The following SNAP91 variants were observed in gnomAD, a reference collection of about 807,000 sequenced individuals.
The protein encoded by SNAP91 is clathrin coat assembly protein AP180.
SNAP91 carries 27 observed loss-of-function variants against 100.3 expected under a neutral mutation model. The ratio of observed to expected loss-of-function variants is 0.27; its 90% confidence interval spans 0.20 to 0.37. SNAP91 has a LOEUF of 0.37. Ranked by LOEUF, SNAP91 falls within the 10% of genes least tolerant of loss-of-function variation. The pLI is 1.00. For synonymous variants in SNAP91, 404 were observed against 398.6 expected, an observed-to-expected ratio of 1.01 and a Z score of -0.16; for missense variants, 986 against 1,123.7, an observed-to-expected ratio of 0.88 and a Z score of 1.75.
rs1273259091 is a variant in SNAP91 at position 83,577,024 on chromosome 6, C to T, written c.2300-971G>A. Reference sequence around the variant, plus strand: ...GTAAATTATACAGGCTGCTAGAAGGCGATAAGGAAAGCTTATGGAAAAATG... The same window carrying T: ...GTAAATTATACAGGCTGCTAGAAGGTGATAAGGAAAGCTTATGGAAAAATG... On this transcript the variant is annotated intron_variant, in intron 24 of 29. Transcript: ENST00000369694. Among the ~76,000 whole-genome samples the T allele has an allele frequency of 2.0e-5, 3 of 151,878 alleles. No homozygotes were observed. The East Asian group carries it at 5.8e-4, about 29-fold the overall frequency.
chr6:83,703,787 C>CG (rs2099348079), intron 2 of SNAP91, among the ~76,000 whole-genome samples: 1 of 151,966 alleles, frequency 6.6e-6, no homozygotes, highest in Non-Finnish European at 1.5e-5. Context: ...GTGTTTAATA[C>CG]GGAAAAAATA....
chr6:83,678,200 C>A (rs1237421792), intron 2 of SNAP91, among the ~76,000 whole-genome samples: 1 of 152,046 alleles, frequency 6.6e-6, no homozygotes, highest in Non-Finnish European at 1.5e-5. Context: ...AGTTTACATT[C>A]AAATTATCTC....
intron 7 of SNAP91, 148 bp from the exon 8 acceptor site, chr6:83,641,350 A>G: frequency 4.2e-6 from 2 of 471,116 alleles, no homozygotes; most frequent in Admixed American, 4.3e-5. Context: ...TAAGGCACCT[A>G]AACAAAGGGA....
At chr6:83,698,678 A>G (rs986946026) in intron 2 of SNAP91, among the ~76,000 whole-genome samples, 2 of 152,220 alleles carry the variant, frequency 1.3e-5, no homozygotes, top group Admixed American at 6.5e-5. Flanking sequence ...TTGTAAGCAT[A>G]GCTTTCCCCC....
chr6:83,569,713 TG>T (rs577350374), intron 26 of SNAP91, among the ~76,000 whole-genome samples: 1 of 152,104 alleles, frequency 6.6e-6, no homozygotes, highest in Non-Finnish European at 1.5e-5. Context: ...AATTGAATCA[TG>T]GGGGCAGGTC....
At chr6:83,684,925 A>G (rs759061658) in intron 2 of SNAP91, among the ~76,000 whole-genome samples, 13 of 152,348 alleles carry the variant, frequency 8.5e-5, no homozygotes, top group Non-Finnish European at 1.9e-4. Context: ...TACAACACCA[A>G]GATCTGTGCC....
rs369975034 is a variant in SNAP91 at position 83,560,156 on chromosome 6, G to A, written c.2579C>T (p.Ala860Val). 6.2e-6 allele frequency: 10 copies of A among 1,613,838 alleles called. No homozygotes were observed. The African/African-American group carries it at 1.3e-4, about 22-fold the overall frequency. Residue 860 changes from alanine (A) to valine (V), a missense_variant, in exon 28 of 30, where the codon GCA (alanine) becomes GTA (valine). This residue lies in a region of SNAP91 where 71 missense variants were observed against 68.5 expected (regional missense o/e 1.04). Coordinates refer to ENST00000369694, the MANE Select transcript of SNAP91 (RefSeq NM_001242792.2). ...PMMPQQPVMF[A>V]QPMMRPPFGA... ...AAAGGGGGGCCTCATCATGGGCTGTGCAAACATGACCGGCTGCTGAGGCAT... is the reference window on the plus strand; with the variant it reads ...AAAGGGGGGCCTCATCATGGGCTGTACAAACATGACCGGCTGCTGAGGCAT...
chr6:83,631,084 A>G (rs2097188700), intron 8 of SNAP91, among the ~76,000 whole-genome samples: 1 of 151,868 alleles, frequency 6.6e-6, no homozygotes, highest in African/African-American at 2.4e-5. Flanking sequence ...TTTCATTTTG[A>G]TTTCGTTTTT....
intron 8 of SNAP91, among the ~76,000 whole-genome samples, chr6:83,628,671 T>C (rs980311554): frequency 7.2e-5 from 11 of 152,262 alleles, no homozygotes; most frequent in African/African-American, 2.6e-4. Context: ...TGTATCTTCT[T>C]TTGAGAACTG....
At chr6:83,566,508 G>C (rs1014921131) in intron 26 of SNAP91, among the ~76,000 whole-genome samples, 1 of 152,118 alleles carries the variant, frequency 6.6e-6, no homozygotes, top group Non-Finnish European at 1.5e-5. Context: ...CTATGAAAGA[G>C]AAAAGGGCTT....
intron 2 of SNAP91, among the ~76,000 whole-genome samples, chr6:83,670,992 C>T (rs2098775278): frequency 1.3e-5 from 2 of 151,808 alleles, no homozygotes; most frequent in South Asian, 4.1e-4. Flanking sequence ...TTTTTTAGGT[C>T]CTTTGTATTT....
intron 7 of SNAP91, among the ~76,000 whole-genome samples, chr6:83,646,049 T>C (rs2097905622): frequency 1.3e-5 from 2 of 152,188 alleles, no homozygotes; most frequent in African/African-American, 4.8e-5. Context: ...GTATCAAAGT[T>C]TTTAGCCCAT....
chr6:83,704,332 A>G (rs1162791024), intron 2 of SNAP91, among the ~76,000 whole-genome samples: 1 of 152,218 alleles, frequency 6.6e-6, no homozygotes, highest in Non-Finnish European at 1.5e-5. Flanking sequence ...CAACATCACT[A>G]TAGTCGAGTA....
At chr6:83,608,242 C>T (rs1209221913) in intron 12 of SNAP91, among the ~76,000 whole-genome samples, 1 of 152,020 alleles carries the variant, frequency 6.6e-6, no homozygotes, top group African/African-American at 2.4e-5. Context: ...TCTCAGATGA[C>T]CTTCAAATCC....
chr6:83,602,364 A>G (rs1216513521), intron 14 of SNAP91, among the ~76,000 whole-genome samples: 1 of 152,196 alleles, frequency 6.6e-6, no homozygotes, highest in Non-Finnish European at 1.5e-5. Flanking sequence ...AACCCCCAAG[A>G]AAAATTTAGA....
chr6:83,567,436 C>T (rs1191440120), intron 26 of SNAP91, among the ~76,000 whole-genome samples: 1 of 152,100 alleles, frequency 6.6e-6, no homozygotes, highest in Admixed American at 6.5e-5. Context: ...AGGACATAGG[C>T]ATGGGCAAGG....
At chr6:83,692,466 G>C (rs2099143645) in intron 2 of SNAP91, among the ~76,000 whole-genome samples, 1 of 151,196 alleles carries the variant, frequency 6.6e-6, no homozygotes, top group Non-Finnish European at 1.5e-5. Context: ...AGTGAGCTGA[G>C]ATCTCACCAT....
At chr6:83,659,191 C>T in intron 5 of SNAP91, 99 bp from the exon 6 acceptor site, 1 of 827,168 alleles carries the variant, frequency 1.2e-6, no homozygotes, top group East Asian at 2.7e-5. Context: ...CACCCCATTT[C>T]CTTATTAATC....
intron 7 of SNAP91, among the ~76,000 whole-genome samples, chr6:83,648,224 T>C (rs1346827915): frequency 2.6e-5 from 4 of 152,216 alleles, no homozygotes; most frequent in African/African-American, 7.2e-5. Context: ...ACACTCTCTT[T>C]TCTTTGGCTT....
Sources: allele counts gnomAD v4.1 joint callset (sites outside exome capture counted in the v4.1 genomes callset), GRCh38; gene constraint gnomAD v4.1.1; regional missense constraint gnomAD v4.1.1; transcripts MANE v1.5; gene names NCBI Gene and HGNC (gene_info 2026-07-23, HGNC 2026-07-21).